TMTC2: variants seen among roughly 807,000 people sequenced by gnomAD.
The protein encoded by TMTC2 is protein O-mannosyl-transferase TMTC2.
In TMTC2, 43 loss-of-function variants were observed where a neutral mutation model predicts 82.4. The observed-to-expected ratio is 0.52, with a 90% CI of 0.41 to 0.67. TMTC2 has a LOEUF of 0.67. Among genes scored for constraint, TMTC2 ranks in the 30% least tolerant of loss-of-function variants. The pLI, the probability that TMTC2 is intolerant of heterozygous loss-of-function variation, is 0.00. For synonymous variants in TMTC2, 408 were observed against 381.9 expected (o/e 1.07, Z -0.80); for missense variants, 919 against 1,012.4 (o/e 0.91, Z 1.25).
intron 1 of TMTC2, among the ~76,000 whole-genome samples, chr12:82,805,101 G>C (rs1879181533): frequency 6.6e-6 from 1 of 152,194 alleles, no homozygotes; most frequent in South Asian, 2.1e-4. Context: ...CTCACATTCT[G>C]TATTTGTCCC....
chr12:82,920,678 A>G (rs1875338857), intron 3 of TMTC2, among the ~76,000 whole-genome samples: 1 of 152,192 alleles, frequency 6.6e-6, no homozygotes, highest in Non-Finnish European at 1.5e-5. Flanking sequence ...TGAATATAAA[A>G]TAACTCCACA....
chr12:82,902,668 C>T (rs1374748711), intron 3 of TMTC2, among the ~76,000 whole-genome samples: 1 of 152,140 alleles, frequency 6.6e-6, no homozygotes, highest in Non-Finnish European at 1.5e-5. Flanking sequence ...CCCAATTATT[C>T]TCTGGCTGCC....
At chr12:82,742,866 A>G (rs138095788) in intron 1 of TMTC2, among the ~76,000 whole-genome samples, 132 of 152,184 alleles carry the variant, frequency 8.7e-4, no homozygotes, top group Middle Eastern at 3.4e-3. Context: ...GTCCATTTTT[A>G]TTAACACCAC....
intron 8 of TMTC2, among the ~76,000 whole-genome samples, chr12:83,014,339 T>G (rs1880581402): frequency 6.6e-6 from 1 of 152,166 alleles, no homozygotes; most frequent in Non-Finnish European, 1.5e-5. Context: ...ATTTTTGTTT[T>G]TTGGTTTTTG....
intron 1 of TMTC2, among the ~76,000 whole-genome samples, chr12:82,810,967 C>T (rs1292810882): frequency 5.3e-5 from 8 of 152,206 alleles, no homozygotes; most frequent in South Asian, 2.1e-4. Context: ...CGGTGGCTCA[C>T]GCCTGTAATC....
At chr12:83,081,784 A>T (rs1883479882) in intron 11 of TMTC2, among the ~76,000 whole-genome samples, 1 of 152,186 alleles carries the variant, frequency 6.6e-6, no homozygotes, top group Admixed American at 6.5e-5. Context: ...CATGCCTATA[A>T]TCCTAGCACT....
intron 4 of TMTC2, among the ~76,000 whole-genome samples, chr12:82,951,703 T>C (rs998584221): frequency 4.6e-5 from 7 of 152,204 alleles, no homozygotes; most frequent in African/African-American, 1.2e-4. Context: ...TAGAATAACG[T>C]AGCAGTATTT....
intron 1 of TMTC2, among the ~76,000 whole-genome samples, chr12:82,764,164 G>A (rs1876813021): frequency 6.6e-6 from 1 of 152,052 alleles, no homozygotes; most frequent in South Asian, 2.1e-4. Context: ...TTGAGATGGA[G>A]TCTCATTGTG....
chr12:82,794,333 C>T (rs1878613206), intron 1 of TMTC2, among the ~76,000 whole-genome samples: 1 of 152,202 alleles, frequency 6.6e-6, no homozygotes, highest in African/African-American at 2.4e-5. Context: ...ATGCACGTTT[C>T]CCCTCTTCCC....
At chr12:82,857,686 A>C in intron 2 of TMTC2, 106 bp downstream of exon 2, 1 of 1,072,958 alleles carries the variant, frequency 9.3e-7, no homozygotes. Context: ...GCGGAATTTA[A>C]AATAAGTTCC....
intron 8 of TMTC2, among the ~76,000 whole-genome samples, chr12:82,996,048 C>T (rs11838075): frequency 5.8e-4 from 89 of 152,166 alleles, no homozygotes; most frequent in African/African-American, 2.1e-3. Context: ...TGAAAAGAAA[C>T]CTTCATTCAG....
At chr12:82,852,770 G>A (rs181235117) in intron 1 of TMTC2, among the ~76,000 whole-genome samples, 1 of 152,286 alleles carries the variant, frequency 6.6e-6, no homozygotes, top group African/African-American at 2.4e-5. Context: ...GGATTACTCA[G>A]ATTCTATTAA....
At chr12:83,047,109 G>A (rs1882173670) in intron 9 of TMTC2, among the ~76,000 whole-genome samples, 1 of 152,166 alleles carries the variant, frequency 6.6e-6, no homozygotes, top group African/African-American at 2.4e-5. Context: ...AGATCTTAGT[G>A]GCTGCAAGTT....
At chr12:82,759,006 C>A (rs1044075966) in intron 1 of TMTC2, 1 of 152,006 alleles carries the variant, frequency 6.6e-6, no homozygotes, top group South Asian at 2.1e-4. Flanking sequence ...CCTTAATTTC[C>A]GAGCATCAGT....
chr12:82,748,160 A>AATTAGCCAG (rs1404241363), intron 1 of TMTC2, among the ~76,000 whole-genome samples: 1 of 152,022 alleles, frequency 6.6e-6, no homozygotes, highest in Non-Finnish European at 1.5e-5. Flanking sequence ...AACACAAAAA[A>AATTAGCCAG]ATTAGCCAGG....
intron 8 of TMTC2, among the ~76,000 whole-genome samples, chr12:83,001,133 C>A (rs887120216): frequency 6.6e-6 from 1 of 152,114 alleles, no homozygotes; most frequent in Non-Finnish European, 1.5e-5. Context: ...GACATTTTTC[C>A]CATTGTCTTG....
At chr12:82,929,055 T>G (rs370229707) in intron 3 of TMTC2, among the ~76,000 whole-genome samples, 1 of 152,078 alleles carries the variant, frequency 6.6e-6, no homozygotes, top group Non-Finnish European at 1.5e-5. Flanking sequence ...TTTCAGGCAC[T>G]GTGTTTGTTT....
intron 11 of TMTC2, among the ~76,000 whole-genome samples, chr12:83,066,621 A>G (rs1882926212): frequency 6.6e-6 from 1 of 151,978 alleles, no homozygotes; most frequent in South Asian, 2.1e-4. Flanking sequence ...AACTAAATAA[A>G]AGGTCATGGT....
intron 1 of TMTC2, among the ~76,000 whole-genome samples, chr12:82,840,117 T>C (rs1592564463): frequency 6.6e-6 from 1 of 152,190 alleles, no homozygotes; most frequent in African/African-American, 2.4e-5. Context: ...GCGAGGCAGG[T>C]GAATCACTGT....
Sources: allele counts gnomAD v4.1 joint callset (sites outside exome capture counted in the v4.1 genomes callset), GRCh38; gene constraint gnomAD v4.1.1; transcripts MANE v1.5; gene names NCBI Gene and HGNC (gene_info 2026-07-23, HGNC 2026-07-21).